The following GALNT13 variants were observed in gnomAD, a reference collection of about 807,000 sequenced individuals.
GALNT13 encodes UDP-GalNAc:polypeptide N-acetylgalactosaminyltransferase 13.
A neutral mutation model predicts 64.2 loss-of-function variants in GALNT13; 28 were observed. That is an observed-to-expected ratio of 0.44 (90% CI 0.32 to 0.60). GALNT13 has a LOEUF of 0.60. GALNT13 is among the 20% of genes least tolerant of loss of function. The pLI is 0.05. For missense variants in GALNT13, 577 were observed against 669.8 expected (o/e 0.86, Z 1.53); for synonymous variants, 214 against 224.6 (o/e 0.95, Z 0.42).
At chr2:154,193,141 A>G (rs983366928) in intron 4 of GALNT13, among the ~76,000 whole-genome samples, 8 of 152,336 alleles carry the variant, frequency 5.3e-5, no homozygotes, top group Admixed American at 5.2e-4. Context: ...TCAGGATAAG[A>G]GTACAAATCC....
At chr2:154,361,047 G>A (rs1003376960) in intron 9 of GALNT13, among the ~76,000 whole-genome samples, 2 of 152,052 alleles carry the variant, frequency 1.3e-5, no homozygotes, top group Non-Finnish European at 2.9e-5. Flanking sequence ...CATGGAGTGA[G>A]TGGTGGGGAA....
the GALNT13 span, among the ~76,000 whole-genome samples, chr2:153,086,707 T>A: frequency 6.7e-6 from 1 of 149,886 alleles, no homozygotes; most frequent in Non-Finnish European, 1.5e-5. Context: ...TATTTTATTT[T>A]ATTTTATTTA....
the GALNT13 span, among the ~76,000 whole-genome samples, chr2:153,099,659 ACT>A: frequency 6.6e-6 from 1 of 151,910 alleles, no homozygotes; most frequent in African/African-American, 2.4e-5. Flanking sequence ...TATAGGTGTA[ACT>A]CTATTTAATG....
At chr2:153,611,679 C>CTTTTTTT in the GALNT13 span, among the ~76,000 whole-genome samples, 22 of 104,396 alleles carry the variant, frequency 2.1e-4, no homozygotes, top group South Asian at 3.9e-4. Context: ...ACATTTTTAC[C>CTTTTTTT]TTTTTTTTTT....
intron 1 of GALNT13, among the ~76,000 whole-genome samples, chr2:153,898,655 A>G (rs1472249211): frequency 2.6e-5 from 4 of 151,972 alleles, no homozygotes; most frequent in Non-Finnish European, 5.9e-5. Context: ...TAGCTATGAA[A>G]ATTATCAAAT....
At chr2:154,396,431 C>T (rs1008019976) in intron 10 of GALNT13, among the ~76,000 whole-genome samples, 2 of 152,108 alleles carry the variant, frequency 1.3e-5, no homozygotes, top group Non-Finnish European at 2.9e-5. Flanking sequence ...TGGGTTACAA[C>T]TGTTATTAAT....
At chr2:154,184,396 T>G (rs143197323) in intron 4 of GALNT13, among the ~76,000 whole-genome samples, 23 of 152,288 alleles carry the variant, frequency 1.5e-4, no homozygotes, top group African/African-American at 4.8e-4. Flanking sequence ...CTTGAAGTAA[T>G]TATTGATTGA....
At chr2:153,780,771 C>T in the GALNT13 span, among the ~76,000 whole-genome samples, 1 of 152,010 alleles carries the variant, frequency 6.6e-6, no homozygotes, top group Non-Finnish European at 1.5e-5. Context: ...AATTTGAGAA[C>T]AGCAAAAATA....
chr2:153,540,143 C>T, the GALNT13 span, among the ~76,000 whole-genome samples: 1 of 152,190 alleles, frequency 6.6e-6, no homozygotes, highest in African/African-American at 2.4e-5. Flanking sequence ...TGGGCCTGGT[C>T]CAGGGCCCCC....
intron 3 of GALNT13, among the ~76,000 whole-genome samples, chr2:154,060,736 A>G (rs1700136542): frequency 6.6e-6 from 1 of 152,074 alleles, no homozygotes; most frequent in Non-Finnish European, 1.5e-5. Flanking sequence ...AGAGGAACAA[A>G]TCCTGGAACA....
At chr2:153,372,391 T>A in the GALNT13 span, among the ~76,000 whole-genome samples, 67 of 152,134 alleles carry the variant, frequency 4.4e-4, no homozygotes, top group African/African-American at 1.6e-3. Flanking sequence ...CTCACGCCTA[T>A]AATCCCAGCA....
At chr2:153,351,859 C>T in the GALNT13 span, among the ~76,000 whole-genome samples, 1 of 152,168 alleles carries the variant, frequency 6.6e-6, no homozygotes, top group Non-Finnish European at 1.5e-5. Flanking sequence ...CATTCACCTA[C>T]TGAAGGATAT....
chr2:153,221,110 C>A, the GALNT13 span, among the ~76,000 whole-genome samples: 1 of 152,148 alleles, frequency 6.6e-6, no homozygotes, highest in Non-Finnish European at 1.5e-5. Flanking sequence ...ATGTAACAAA[C>A]CTGCACATCC....
the GALNT13 span, among the ~76,000 whole-genome samples, chr2:153,205,469 CCAAATTTGAATAAAAGTTTTAATT>C: frequency 6.6e-6 from 1 of 152,032 alleles, no homozygotes; most frequent in Non-Finnish European, 1.5e-5. Flanking sequence ...TTTGTTTAAT[CCAAATTTGAATAAAAGTTTTAATT>C]TGGTGAATCA....
the GALNT13 span, among the ~76,000 whole-genome samples, chr2:153,587,263 A>T: frequency 2.6e-5 from 4 of 151,796 alleles, no homozygotes; most frequent in African/African-American, 9.7e-5. Context: ...CACAGAAATT[A>T]AAAAATAAAT....
chr2:153,838,685 T>TCATC, the GALNT13 span, among the ~76,000 whole-genome samples: 2 of 151,962 alleles, frequency 1.3e-5, no homozygotes, highest in African/African-American at 4.8e-5. Context: ...TACTTTAAAA[T>TCATC]CAGGTAGTGT....
chr2:153,975,651 G>T (rs772456326), intron 3 of GALNT13, among the ~76,000 whole-genome samples: 5 of 151,902 alleles, frequency 3.3e-5, no homozygotes, highest in Non-Finnish European at 7.4e-5. Flanking sequence ...TCTTAATTTG[G>T]CTGCTTTCTT....
chr2:153,420,026 G>C, the GALNT13 span, among the ~76,000 whole-genome samples: 1 of 152,024 alleles, frequency 6.6e-6, no homozygotes, highest in Admixed American at 6.6e-5. Flanking sequence ...GTAAATATAA[G>C]CAAAGAAAGA....
chr2:153,502,163 TTTC>T, the GALNT13 span, among the ~76,000 whole-genome samples: 2 of 152,186 alleles, frequency 1.3e-5, no homozygotes, highest in Non-Finnish European at 2.9e-5. Context: ...TTAGTGGTGA[TTTC>T]TTAATTTTTA....
Sources: gnomAD v4.1 joint callset for allele counts (sites outside exome capture counted in the v4.1 genomes callset) on GRCh38, gnomAD v4.1.1 for gene constraint, MANE v1.5 for transcripts, NCBI Gene and HGNC (gene_info 2026-07-23, HGNC 2026-07-21) for gene names.